Variants in TENM2 observed in about 807,000 individuals in gnomAD.
TENM2 encodes the protein teneurin transmembrane protein 2, also known as teneurin-2.
TENM2 carries 52 observed loss-of-function variants against 245.2 expected under a neutral mutation model. That is an observed-to-expected ratio of 0.21 (90% confidence interval 0.17 to 0.27). TENM2 has a LOEUF of 0.27. Among genes scored for constraint, TENM2 ranks in the 10% least tolerant of loss-of-function variants. TENM2 has a pLI of 1.00. For missense variants in TENM2, 3,046 were observed against 3,666.8 expected, an observed-to-expected ratio of 0.83 and a Z score of 4.37; for synonymous variants, 1,363 against 1,438.9, an observed-to-expected ratio of 0.95 and a Z score of 1.19.
intron 5 of TENM2, among the ~76,000 whole-genome samples, chr5:168,003,519 G>A (rs1013042150): frequency 6.6e-6 from 1 of 152,214 alleles, no homozygotes; most frequent in Middle Eastern, 3.4e-3. Context: ...TACATCAATT[G>A]GGATAAAATA....
chr5:167,182,487 A>C, the TENM2 span, among the ~76,000 whole-genome samples: 1 of 152,128 alleles, frequency 6.6e-6, no homozygotes, highest in Non-Finnish European at 1.5e-5. Flanking sequence ...GATTAGATGA[A>C]TTTATACTTT....
At chr5:167,467,611 C>T (rs753999900) in intron 2 of TENM2, among the ~76,000 whole-genome samples, 6 of 151,176 alleles carry the variant, frequency 4.0e-5, no homozygotes, top group Non-Finnish European at 5.9e-5. Context: ...CTAAATTTCA[C>T]GAACCCAGAG....
intron 3 of TENM2, among the ~76,000 whole-genome samples, chr5:167,919,377 C>T (rs531560829): frequency 6.6e-6 from 1 of 152,084 alleles, no homozygotes; most frequent in Non-Finnish European, 1.5e-5. Flanking sequence ...ATGCAGAAAC[C>T]GCTGAATGCA....
At chr5:167,009,690 AT>A in the TENM2 span, among the ~76,000 whole-genome samples, 42 of 150,696 alleles carry the variant, frequency 2.8e-4, no homozygotes, top group South Asian at 8.4e-4. Flanking sequence ...GCACATAAAA[AT>A]TTTTTTTTTC....
chr5:167,215,610 T>A, the TENM2 span, among the ~76,000 whole-genome samples: 11 of 152,128 alleles, frequency 7.2e-5, no homozygotes, highest in East Asian at 7.7e-4. Context: ...TCTAAAATAG[T>A]CTCGGAACTG....
intron 2 of TENM2, among the ~76,000 whole-genome samples, chr5:167,705,813 C>A (rs527905599): frequency 4.3e-4 from 65 of 151,906 alleles, no homozygotes; most frequent in Non-Finnish European, 2.9e-4. Context: ...CTACTCTCTG[C>A]TTCTAGGAGT....
chr5:167,559,166 G>A (rs1773434956), intron 2 of TENM2, among the ~76,000 whole-genome samples: 1 of 152,160 alleles, frequency 6.6e-6, no homozygotes, highest in African/African-American at 2.4e-5. Flanking sequence ...CTTCATATCT[G>A]AGTAGAATAT....
chr5:167,441,406 G>A (rs1240360728), intron 2 of TENM2, among the ~76,000 whole-genome samples: 1 of 152,174 alleles, frequency 6.6e-6, no homozygotes, highest in Non-Finnish European at 1.5e-5. Flanking sequence ...CATTTTTCAA[G>A]TAAAATTGCT....
chr5:167,088,199 A>G, the TENM2 span, among the ~76,000 whole-genome samples: 5 of 152,202 alleles, frequency 3.3e-5, no homozygotes, highest in Non-Finnish European at 7.3e-5. Context: ...CAATCTCATT[A>G]GATAATAAAG....
chr5:167,121,205 T>C, the TENM2 span, among the ~76,000 whole-genome samples: 1 of 152,130 alleles, frequency 6.6e-6, no homozygotes, highest in Non-Finnish European at 1.5e-5. Context: ...GAGATTCTAT[T>C]CCAGTGGGAA....
At chr5:168,148,873 T>TATGATA (rs1756357870) in intron 12 of TENM2, among the ~76,000 whole-genome samples, 1 of 143,928 alleles carries the variant, frequency 6.9e-6, no homozygotes. Flanking sequence ...TAAATATATA[T>TATGATA]GATAGATAGA....
chr5:168,129,044 C>T (rs1463664515), intron 12 of TENM2: 1 of 151,966 alleles, frequency 6.6e-6, no homozygotes, highest in Admixed American at 6.6e-5. Context: ...GGTCCACACC[C>T]CCATTAAGAA....
intron 12 of TENM2, among the ~76,000 whole-genome samples, chr5:168,144,515 A>C (rs376106323): frequency 6.6e-6 from 1 of 151,866 alleles, no homozygotes; most frequent in Admixed American, 6.6e-5. Context: ...TGAACTCATC[A>C]TTTTTTATGG....
chr5:167,211,755 A>AT, the TENM2 span, among the ~76,000 whole-genome samples: 11 of 151,668 alleles, frequency 7.3e-5, no homozygotes, highest in South Asian at 2.1e-4. Flanking sequence ...AGGTTTATAG[A>AT]TTTTTTTTTC....
At chr5:167,643,165 AT>A (rs1209089477) in intron 2 of TENM2, among the ~76,000 whole-genome samples, 4 of 152,182 alleles carry the variant, frequency 2.6e-5, no homozygotes, top group Admixed American at 1.3e-4. Flanking sequence ...GAATTCAATG[AT>A]TTTTGGTAAC....
At chr5:168,146,707 G>T (rs1756115181) in intron 12 of TENM2, among the ~76,000 whole-genome samples, 1 of 152,190 alleles carries the variant, frequency 6.6e-6, no homozygotes, top group Admixed American at 6.5e-5. Flanking sequence ...AGTTTTGTGA[G>T]GTGAATACTG....
intron 1 of TENM2, among the ~76,000 whole-genome samples, chr5:167,331,458 C>T (rs763895858): frequency 1.3e-5 from 2 of 152,070 alleles, no homozygotes; most frequent in Non-Finnish European, 1.5e-5. Context: ...TTTAACTGCC[C>T]TCAACGCATG....
intron 2 of TENM2, among the ~76,000 whole-genome samples, chr5:167,419,719 TC>T (rs1283717375): frequency 6.6e-6 from 1 of 152,208 alleles, no homozygotes; most frequent in Non-Finnish European, 1.5e-5. Flanking sequence ...CTCATCACTT[TC>T]TGTATGTTTT....
intron 3 of TENM2, among the ~76,000 whole-genome samples, chr5:167,946,672 C>T (rs1052871803): frequency 3.3e-5 from 5 of 152,152 alleles, no homozygotes; most frequent in African/African-American, 1.2e-4. Context: ...GGTTCCTTTG[C>T]ATACAGCTGG....
Sources: allele counts gnomAD v4.1 joint callset (sites outside exome capture counted in the v4.1 genomes callset), GRCh38; gene constraint gnomAD v4.1.1; transcripts MANE v1.5; gene names NCBI Gene and HGNC (gene_info 2026-07-23, HGNC 2026-07-21).